PLEKHA6: variants seen among roughly 807,000 people sequenced by gnomAD.
PLEKHA6 encodes the protein pleckstrin homology domain-containing family A member 6.
Under a neutral mutation model 116.7 loss-of-function variants are expected in PLEKHA6, and 60 were observed. That is an observed-to-expected ratio of 0.51 (90% CI 0.42 to 0.64). The LOEUF (loss-of-function observed/expected upper bound fraction) is 0.64. Ranked by LOEUF, PLEKHA6 falls within the 30% of genes least tolerant of loss-of-function variation. The pLI, the probability that PLEKHA6 is intolerant of heterozygous loss-of-function variation, is 0.00. For missense variants in PLEKHA6, 1,338 were observed against 1,422.7 expected (o/e 0.94, Z 0.96); for synonymous variants, 489 against 556.1 (o/e 0.88, Z 1.70).
chr1:204,358,345 C>T (rs1391911353), intron 1 of PLEKHA6, among the ~76,000 whole-genome samples: 2 of 152,200 alleles, frequency 1.3e-5, no homozygotes, highest in African/African-American at 2.4e-5. Context: ...CCCACCTCCC[C>T]TCCACCAGCA....
At chr1:204,231,988 T>C (rs1327565292) in intron 17 of PLEKHA6, among the ~76,000 whole-genome samples, 1 of 152,258 alleles carries the variant, frequency 6.6e-6, no homozygotes, top group East Asian at 1.9e-4. Flanking sequence ...GGAGGGCCCA[T>C]TGTATATATA....
At chr1:204,360,032 A>C (rs1052949487), upstream of PLEKHA6, 2 of 152,236 alleles carry the variant, frequency 1.3e-5, no homozygotes, top group African/African-American at 4.8e-5. Flanking sequence ...ATAGTCCCCG[A>C]AAAGGTTTAA....
rs1165108321 is a variant in PLEKHA6 at position 204,330,218 on chromosome 1, G to C, written c.-95+29476C>G. Among the ~76,000 whole-genome samples the C allele has an allele frequency of 2.0e-5, 3 of 152,142 alleles. No homozygotes were observed. The East Asian group carries it at 5.8e-4, about 29-fold the overall frequency. On this transcript the variant is annotated intron_variant, in intron 1 of 22. Transcript: ENST00000272203. ...TTTACCATGTTGGGCAGGCTGGTCT[G>C]AAACTCCTGACCTCAGATGATCTGC...
chr1:204,321,228 C>T (rs1183603917), intron 1 of PLEKHA6, among the ~76,000 whole-genome samples: 1 of 152,176 alleles, frequency 6.6e-6, no homozygotes, highest in Non-Finnish European at 1.5e-5. Context: ...TCACAGCTAA[C>T]ATGCTGTGCA....
rs774212077 is a variant in PLEKHA6 at position 204,265,029 on chromosome 1, C to T, written c.294G>A (p.Glu98=). ...CLFYYKDEKE[E]SILGSIPLLS... is the part of the protein sequence containing the mutation. ...GGAGGGGGATGCTGCCCAGGATACTCTCTTCCTTCTCATCTGTCAGGGAGA... is the reference window on the plus strand; with the variant it reads ...GGAGGGGGATGCTGCCCAGGATACTTTCTTCCTTCTCATCTGTCAGGGAGA... The change falls in exon 6 of 23, where the codon GAG becomes GAA. Residue 98 remains glutamate, a synonymous_variant. Transcript: ENST00000272203. 6.2e-7 allele frequency: 1 copy of T among 1,613,450 alleles called. No individual in the cohort carries two copies. The highest frequency in any genetic ancestry group is 1.7e-5 in the Admixed American group (1 of 60,026).
chr1:204,327,093 T>G (rs1672269894), intron 1 of PLEKHA6: 1 of 754,156 alleles, frequency 1.3e-6, no homozygotes, highest in Middle Eastern at 6.6e-4. Context: ...ACCCTGCCAC[T>G]CTCTGCTCAC....
chr1:204,292,195 G>A (rs935075384), intron 1 of PLEKHA6, among the ~76,000 whole-genome samples: 2 of 152,142 alleles, frequency 1.3e-5, no homozygotes, highest in African/African-American at 4.8e-5. Flanking sequence ...ATGACAGAAG[G>A]GAAAATATCA....
intron 1 of PLEKHA6, among the ~76,000 whole-genome samples, chr1:204,343,084 G>T (rs1558192306): frequency 6.6e-6 from 1 of 152,150 alleles, no homozygotes; most frequent in Non-Finnish European, 1.5e-5. Flanking sequence ...CAGCAAAGGG[G>T]AGATCTAAGC....
intron 1 of PLEKHA6, among the ~76,000 whole-genome samples, chr1:204,355,142 G>C (rs1673379680): frequency 6.6e-6 from 1 of 152,210 alleles, no homozygotes; most frequent in Non-Finnish European, 1.5e-5. Flanking sequence ...GACTTGGGAG[G>C]GCTTGGAGGG....
intron 15 of PLEKHA6, among the ~76,000 whole-genome samples, chr1:204,244,335 G>T (rs1194178849): frequency 2.7e-5 from 4 of 149,920 alleles, no homozygotes; most frequent in Non-Finnish European, 5.9e-5. Context: ...TAAAGATGGG[G>T]TTTCACCATG....
At chr1:204,251,772 A>C (rs1183634372) in intron 9 of PLEKHA6, among the ~76,000 whole-genome samples, 1 of 152,222 alleles carries the variant, frequency 6.6e-6, no homozygotes, top group African/African-American at 2.4e-5. Context: ...CCTCTGTTTC[A>C]GGACCAGCAC....
intron 1 of PLEKHA6, among the ~76,000 whole-genome samples, chr1:204,293,577 A>T (rs1292835181): frequency 1.3e-5 from 2 of 152,266 alleles, no homozygotes; most frequent in East Asian, 3.8e-4. Flanking sequence ...AATTTGGCTT[A>T]AAGTGGCACT....
Position 204,346,843 on chromosome 1 carries a change from T to C in PLEKHA6, c.-95+12851A>G, listed in dbSNP as rs1325040871. The C allele has an allele frequency of 2.2e-6, 3 of 1,350,834 alleles. No individual in the cohort carries two copies. In the South Asian group the frequency reaches 3.5e-5, roughly 16 times the overall value. 83.7% of individuals were successfully genotyped at this position (1,350,834 alleles called of 1,614,324 possible). ...CTCCTTCCCATTGGTTCTCACAAAGTGTGCTTCTCTGGGTGGAGCAGGCTG... is the reference window on the plus strand; with the variant it reads ...CTCCTTCCCATTGGTTCTCACAAAGCGTGCTTCTCTGGGTGGAGCAGGCTG... On this transcript the variant is annotated intron_variant, in intron 1 of 22. Transcript: ENST00000272203.
intron 1 of PLEKHA6, among the ~76,000 whole-genome samples, chr1:204,294,772 C>G (rs961620245): frequency 6.6e-6 from 1 of 152,154 alleles, no homozygotes. Flanking sequence ...GGATAATATA[C>G]GGACCTTCTT....
intron 15 of PLEKHA6, 48 bp from the exon 16 acceptor site, chr1:204,241,862 G>A (rs1382642354): frequency 6.2e-7 from 1 of 1,603,020 alleles, no homozygotes; most frequent in Non-Finnish European, 8.5e-7. Flanking sequence ...TGGCTGTCAG[G>A]AACTTGGCCC....
chr1:204,324,372 T>C (rs1245570650), intron 1 of PLEKHA6, among the ~76,000 whole-genome samples: 1 of 151,912 alleles, frequency 6.6e-6, no homozygotes, highest in Non-Finnish European at 1.5e-5. Context: ...GATTTATAAA[T>C]AGGATAAAGA....
At chr1:204,291,755 CG>C (rs1379793179) in intron 1 of PLEKHA6, among the ~76,000 whole-genome samples, 2 of 151,956 alleles carry the variant, frequency 1.3e-5, no homozygotes, top group East Asian at 3.9e-4. Context: ...AGAAAGCAGA[CG>C]GGTGGTTGCC....
rs369340753 is a variant in PLEKHA6, at chr1:204,308,940, T to C, written c.-94-34131A>G. 1.1e-4 allele frequency: 23 copies of C among 208,444 alleles called. No homozygotes were observed. The East Asian group carries it at 1.1e-3, about 10-fold the overall frequency. 12.9% of individuals were successfully genotyped at this position (208,444 alleles called of 1,614,324 possible). A position where few individuals can be genotyped will look rare whatever the true frequency, so the allele number is the denominator to read the frequency against. On this transcript the variant is annotated intron_variant, in intron 1 of 22. Transcript: ENST00000272203. ...TCCTGACCTCATGATCCGCCCACCT[T>C]GGCCTCCCAAAGTGCTGGGATTACA...
chr1:204,328,969 G>A (rs1428549156), intron 1 of PLEKHA6, among the ~76,000 whole-genome samples: 3 of 152,146 alleles, frequency 2.0e-5, no homozygotes, highest in Non-Finnish European at 2.9e-5. Flanking sequence ...GCCACAGTCC[G>A]CAGCCAACCC....
Sources: allele counts gnomAD v4.1 joint callset (sites outside exome capture counted in the v4.1 genomes callset), GRCh38; gene constraint gnomAD v4.1.1; transcripts MANE v1.5; gene names NCBI Gene and HGNC (gene_info 2026-07-23, HGNC 2026-07-21).